Variants in ERBIN observed in about 807,000 individuals in gnomAD.
ERBIN encodes erbb2 interacting protein.
A neutral mutation model predicts 158.4 loss-of-function variants in ERBIN; 60 were observed. The observed-to-expected ratio is 0.38, with a 90% CI of 0.31 to 0.47. ERBIN has a LOEUF of 0.47. Ranked by LOEUF, ERBIN falls within the 20% of genes least tolerant of loss-of-function variation. The pLI, the probability that ERBIN is intolerant of heterozygous loss-of-function variation, is 0.99. For synonymous variants in ERBIN, 594 were observed against 557.2 expected (o/e 1.07, Z -0.93); for missense variants, 1,610 against 1,648.0 (o/e 0.98, Z 0.40).
chr5:65,992,096 A>G (rs1464106066), intron 2 of ERBIN, among the ~76,000 whole-genome samples: 1 of 152,188 alleles, frequency 6.6e-6, no homozygotes, highest in African/African-American at 2.4e-5. Flanking sequence ...TTAAATAAAA[A>G]TCTTCGTCTT....
intron 4 of ERBIN, among the ~76,000 whole-genome samples, chr5:66,002,634 A>G (rs933497575): frequency 2.0e-5 from 3 of 152,232 alleles, no homozygotes; most frequent in African/African-American, 4.8e-5. Context: ...AGTTGAGTCA[A>G]AAAGCCCAGG....
At chr5:65,974,235 T>A (rs1452372117) in intron 1 of ERBIN, among the ~76,000 whole-genome samples, 1 of 152,222 alleles carries the variant, frequency 6.6e-6, no homozygotes, top group Non-Finnish European at 1.5e-5. Context: ...CTTATTATGA[T>A]GTGGAGCTTT....
chr5:65,981,838 A>G (rs936579539), intron 1 of ERBIN, among the ~76,000 whole-genome samples: 1 of 152,198 alleles, frequency 6.6e-6, no homozygotes, highest in African/African-American at 2.4e-5. Context: ...TGGACTTTGC[A>G]AATCATGAGG....
chr5:66,012,027 T>C, intron 4 of ERBIN, 22 bp from the exon 5 acceptor site: 1 of 1,460,586 alleles, frequency 6.8e-7, no homozygotes, highest in South Asian at 1.2e-5. Context: ...ATCTTTTAAT[T>C]TGATCGTTGT....
chr5:66,030,238 C>T (rs927684639), intron 14 of ERBIN, among the ~76,000 whole-genome samples: 1 of 150,998 alleles, frequency 6.6e-6, no homozygotes, highest in Non-Finnish European at 1.5e-5. Flanking sequence ...GATGGGGTTT[C>T]ACCATGTTGG....
At chr5:66,030,888 G>A (rs934871465) in intron 14 of ERBIN, among the ~76,000 whole-genome samples, 7 of 151,912 alleles carry the variant, frequency 4.6e-5, no homozygotes, top group African/African-American at 1.7e-4. Context: ...GCACTTCTGT[G>A]GATAAATTAA....
chr5:65,941,462 C>G (rs949762337), intron 1 of ERBIN, among the ~76,000 whole-genome samples: 2 of 151,908 alleles, frequency 1.3e-5, no homozygotes, highest in Admixed American at 6.6e-5. Context: ...AAATACAACA[C>G]CATTTTATAT....
At chr5:65,948,101 C>T (rs550560132) in intron 1 of ERBIN, among the ~76,000 whole-genome samples, 20 of 151,698 alleles carry the variant, frequency 1.3e-4, no homozygotes, top group African/African-American at 4.6e-4. Flanking sequence ...TTGTTGAGAA[C>T]GATTTTACAG....
At chr5:66,058,555 C>A (rs943510141) in intron 21 of ERBIN, among the ~76,000 whole-genome samples, 72 of 150,962 alleles carry the variant, frequency 4.8e-4, no homozygotes, top group African/African-American at 1.7e-3. Flanking sequence ...TCCCATTTGT[C>A]AATTTTGGCT....
chr5:65,993,024 T>A (rs971642821), intron 3 of ERBIN, 117 bp downstream of exon 3: 18 of 792,556 alleles, frequency 2.3e-5, no homozygotes, highest in Admixed American at 6.9e-5. Flanking sequence ...TTTTTTGGTT[T>A]AATTGTATCG....
chr5:66,039,936 T>C (rs1331403623), intron 15 of ERBIN, among the ~76,000 whole-genome samples: 1 of 151,880 alleles, frequency 6.6e-6, no homozygotes, highest in Non-Finnish European at 1.5e-5. Flanking sequence ...CATGAAATAA[T>C]AACTTATCAA....
chr5:66,001,474 A>G (rs1156633896), intron 4 of ERBIN, among the ~76,000 whole-genome samples: 1 of 152,188 alleles, frequency 6.6e-6, no homozygotes, highest in African/African-American at 2.4e-5. Context: ...AGTTCTTATC[A>G]GTGTTTTTCA....
chr5:66,054,987 G>A, intron 21 of ERBIN, 36 bp downstream of exon 21: 2 of 1,502,748 alleles, frequency 1.3e-6, no homozygotes, highest in African/African-American at 1.4e-5. Context: ...TTTTCTTTAT[G>A]AACTTAATTA....
intron 24 of ERBIN, 107 bp from the exon 25 acceptor site, chr5:66,076,768 T>C: frequency 1.3e-6 from 1 of 794,620 alleles, no homozygotes; most frequent in East Asian, 2.5e-5. Context: ...GGAGAAAACT[T>C]GTACCATGAT....
chr5:66,054,352 A>T lies in ERBIN; in HGVS notation c.3034A>T (p.Arg1012Ter). 1 of 1,614,160 alleles carries T rather than the reference A, an allele frequency of 6.2e-7. No individual in the cohort carries two copies. The highest frequency in any genetic ancestry group is 8.5e-7 in the Non-Finnish European group (1 of 1,180,008). Residue 1012 changes from arginine to a stop codon, truncating the protein, a stop_gained, in exon 21 of 26, where the codon AGA (arginine) becomes TGA (stop). Coordinates refer to ENST00000284037, the MANE Select transcript of ERBIN (RefSeq NM_001253697.2). LOFTEE classifies it high-confidence loss of function. ...HASFPPQLLP[R>*]SESTENQSYA... Reference sequence around the variant, plus strand: ...CAGTTTTCCTCCTCAGCTCCTTCCTAGATCAGAGAGCACAGAAAATCAAAG... The same window carrying T: ...CAGTTTTCCTCCTCAGCTCCTTCCTTGATCAGAGAGCACAGAAAATCAAAG...
intron 21 of ERBIN, among the ~76,000 whole-genome samples, chr5:66,062,566 T>C (rs991423716): frequency 6.6e-6 from 1 of 152,216 alleles, no homozygotes; most frequent in Admixed American, 6.5e-5. Context: ...TCCGTCCAGC[T>C]TTGTTCCGTT....
At chr5:65,950,406 G>A (rs977360684) in intron 1 of ERBIN, among the ~76,000 whole-genome samples, 2 of 152,010 alleles carry the variant, frequency 1.3e-5, no homozygotes, top group African/African-American at 4.8e-5. Flanking sequence ...CTAAGTTTGG[G>A]TTTTTCTGAT....
At chr5:65,959,700 C>A (rs1169293296) in intron 1 of ERBIN, among the ~76,000 whole-genome samples, 1 of 151,996 alleles carries the variant, frequency 6.6e-6, no homozygotes, top group Non-Finnish European at 1.5e-5. Flanking sequence ...GACTGTGTGC[C>A]CCCTTTTATA....
chr5:65,981,830 G>A (rs926013191), intron 1 of ERBIN, among the ~76,000 whole-genome samples: 1 of 152,132 alleles, frequency 6.6e-6, no homozygotes, highest in Non-Finnish European at 1.5e-5. Context: ...GGTAAAGGTG[G>A]ACTTTGCAAA....
Sources: allele counts gnomAD v4.1 joint callset (sites outside exome capture counted in the v4.1 genomes callset), GRCh38; gene constraint gnomAD v4.1.1; transcripts MANE v1.5; gene names NCBI Gene and HGNC (gene_info 2026-07-23, HGNC 2026-07-21).